CEP128: variants seen among roughly 807,000 people sequenced by gnomAD.
The protein encoded by CEP128 is centrosomal protein 128.
CEP128 carries 132 observed loss-of-function variants against 156.7 expected under a neutral mutation model. The ratio of observed to expected loss-of-function variants is 0.84; its 90% CI spans 0.73 to 0.97. CEP128 has a LOEUF of 0.97. Among genes scored for constraint, CEP128 ranks in the 50% least tolerant of loss-of-function variants. The pLI, the probability that CEP128 is intolerant of heterozygous loss-of-function variation, is 0.00. For missense variants in CEP128, 1,252 were observed against 1,281.9 expected (o/e 0.98, Z 0.36); for synonymous variants, 469 against 448.9 (o/e 1.04, Z -0.57).
chr14:80,691,331 TGGG>T (rs898063212), intron 19 of CEP128, among the ~76,000 whole-genome samples: 60 of 152,288 alleles, frequency 3.9e-4, no homozygotes, highest in African/African-American at 1.3e-3. Context: ...GATGTGGTGA[TGGG>T]GGGATGGTAT....
chr14:80,678,367 C>CAAA (rs34444017), intron 19 of CEP128, among the ~76,000 whole-genome samples: 8 of 131,296 alleles, frequency 6.1e-5, no homozygotes, highest in African/African-American at 2.2e-4. Flanking sequence ...CACTCCATTC[C>CAAA]AAAAAAAAAA....
intron 4 of CEP128, among the ~76,000 whole-genome samples, chr14:80,909,682 A>G (rs191262418): frequency 2.0e-5 from 3 of 152,134 alleles, no homozygotes; most frequent in Admixed American, 2.0e-4. Context: ...CCTAAAACAT[A>G]AAACTAAAAA....
intron 13 of CEP128, 165 bp downstream of exon 13, chr14:80,830,978 A>G: frequency 1.6e-6 from 1 of 614,914 alleles, no homozygotes; most frequent in South Asian, 2.2e-5. Context: ...ATGAACCCAT[A>G]GGAATTTCTA....
chr14:80,658,939 C>A (rs984376950), intron 19 of CEP128, among the ~76,000 whole-genome samples: 2 of 152,098 alleles, frequency 1.3e-5, no homozygotes, highest in Non-Finnish European at 2.9e-5. Context: ...CCAGACTGCA[C>A]AATGCAACTT....
intron 19 of CEP128, among the ~76,000 whole-genome samples, chr14:80,711,842 T>C (rs1897422356): frequency 6.6e-6 from 1 of 152,046 alleles, no homozygotes; most frequent in African/African-American, 2.4e-5. Context: ...ATACACCTAC[T>C]ATGTACCTAA....
At chr14:80,819,145 AT>A (rs1203565429) in intron 13 of CEP128, among the ~76,000 whole-genome samples, 1 of 150,828 alleles carries the variant, frequency 6.6e-6, no homozygotes, top group Non-Finnish European at 1.5e-5. Context: ...GCATGGTCAG[AT>A]TCTGGTGCAG....
intron 8 of CEP128, among the ~76,000 whole-genome samples, chr14:80,882,603 G>A (rs1417439706): frequency 6.6e-6 from 1 of 152,136 alleles, no homozygotes; most frequent in Non-Finnish European, 1.5e-5. Context: ...CAGTGTATCA[G>A]ACATCTGCAT....
intron 13 of CEP128, among the ~76,000 whole-genome samples, chr14:80,801,908 CCCAAAAAAA>C (rs1179913959): frequency 5.3e-4 from 10 of 18,714 alleles, no homozygotes; most frequent in African/African-American, 1.4e-3. Flanking sequence ...ACTCTGTCTC[CCCAAAAAAA>C]AAAAAAAAAA....
chr14:80,865,046 A>C (rs1887701778), intron 8 of CEP128, among the ~76,000 whole-genome samples: 1 of 152,188 alleles, frequency 6.6e-6, no homozygotes. Context: ...TACATAAGGG[A>C]AACTTTGTAC....
intron 19 of CEP128, among the ~76,000 whole-genome samples, chr14:80,630,842 T>C (rs936604061): frequency 6.6e-6 from 1 of 152,040 alleles, no homozygotes; most frequent in Non-Finnish European, 1.5e-5. Flanking sequence ...TCAGCACGCA[T>C]TGTAATATGT....
intron 9 of CEP128, among the ~76,000 whole-genome samples, chr14:80,849,930 G>A (rs566452087): frequency 7.8e-4 from 118 of 152,148 alleles, no homozygotes; most frequent in African/African-American, 2.6e-3. Context: ...GGAAAATTCT[G>A]CATGCACAGC....
intron 19 of CEP128, among the ~76,000 whole-genome samples, chr14:80,653,908 G>C (rs945763004): frequency 1.3e-5 from 2 of 152,060 alleles, no homozygotes; most frequent in Non-Finnish European, 2.9e-5. Context: ...CTGGCATTAA[G>C]GAAACTATTG....
intron 13 of CEP128, among the ~76,000 whole-genome samples, chr14:80,808,054 T>C (rs904381982): frequency 3.9e-5 from 6 of 152,162 alleles, no homozygotes; most frequent in African/African-American, 1.2e-4. Context: ...CAAGAACTCA[T>C]TGTCTGGGAC....
chr14:80,849,788 T>C (rs946379717), intron 9 of CEP128, among the ~76,000 whole-genome samples: 2 of 151,596 alleles, frequency 1.3e-5, no homozygotes, highest in Non-Finnish European at 2.9e-5. Flanking sequence ...AGAACACCAA[T>C]AGAAAATAAA....
At chr14:80,767,657 G>C (rs1007209970) in intron 16 of CEP128, among the ~76,000 whole-genome samples, 2 of 152,090 alleles carry the variant, frequency 1.3e-5, no homozygotes, top group African/African-American at 2.4e-5. Context: ...AACAGTGAAA[G>C]ATTACCTGAG....
intron 21 of CEP128, among the ~76,000 whole-genome samples, chr14:80,551,053 A>T (rs916524414): frequency 6.6e-6 from 1 of 152,124 alleles, no homozygotes; most frequent in Non-Finnish European, 1.5e-5. Context: ...ATGTTACTCA[A>T]TTCTTGAATG....
intron 19 of CEP128, among the ~76,000 whole-genome samples, chr14:80,681,627 T>C (rs1233871130): frequency 1.3e-5 from 2 of 152,228 alleles, no homozygotes; most frequent in African/African-American, 4.8e-5. Context: ...GATGGTTTTA[T>C]AAGCATTGTC....
At chr14:80,763,143 G>GTCC (rs1900054413) in intron 16 of CEP128, among the ~76,000 whole-genome samples, 2 of 152,150 alleles carry the variant, frequency 1.3e-5, no homozygotes, top group Admixed American at 6.5e-5. Flanking sequence ...AGGGGAGTTT[G>GTCC]TTTTATGAAA....
intron 2 of CEP128, among the ~76,000 whole-genome samples, chr14:80,950,918 A>T (rs557801482): frequency 3.5e-4 from 53 of 151,866 alleles, no homozygotes; most frequent in Non-Finnish European, 4.1e-4. Flanking sequence ...AAAAAAAAAA[A>T]AAAAAAGCAG....
Sources: allele counts gnomAD v4.1 joint callset (sites outside exome capture counted in the v4.1 genomes callset), GRCh38; gene constraint gnomAD v4.1.1; transcripts MANE v1.5; gene names NCBI Gene and HGNC (gene_info 2026-07-23, HGNC 2026-07-21).